ZNF836: variants seen among roughly 807,000 people sequenced by gnomAD.
The protein encoded by ZNF836 is zinc finger protein 836.
In ZNF836, 12 loss-of-function variants were observed where a neutral mutation model predicts 7.4. The observed-to-expected ratio is 1.61, with a 90% CI of 1.03 to 2.61. The LOEUF is 2.61. Ranked by LOEUF, ZNF836 falls within the 30% of genes most tolerant of loss-of-function variation. The pLI is 0.00. For synonymous variants in ZNF836, 365 were observed against 382.6 expected, an observed-to-expected ratio of 0.95 and a Z score of 0.54; for missense variants, 998 against 1,126.2, an observed-to-expected ratio of 0.89 and a Z score of 1.63.
At chr19:52,157,811 C>T (rs368983918) in intron 4 of ZNF836, among the ~76,000 whole-genome samples, 8 of 152,090 alleles carry the variant, frequency 5.3e-5, no homozygotes, top group East Asian at 3.8e-4. Flanking sequence ...CCTCGTGATC[C>T]GCCCACCTCG....
rs1284651712 is a variant in ZNF836 at position 52,157,325 on chromosome 19, G to C, written c.358C>G (p.Leu120Val). ...KEVPMTYKNN[L>V]NGKRGQHSQE... Reference sequence around the variant, plus strand: ...CTATGTTGACCTCTTTTACCATTAAGATTGTTTTTATAGGTCATTGGCACT... The same window carrying C: ...CTATGTTGACCTCTTTTACCATTAACATTGTTTTTATAGGTCATTGGCACT... The change falls in exon 5 of 5, where the codon CTT (leucine) becomes GTT (valine). Residue 120 changes from leucine (L) to valine (V), a missense_variant. Physicochemically the swap from Leu to Val is conservative, Grantham distance 32 (BLOSUM62 1). Transcript: ENST00000682614. The C allele has an allele frequency of 6.2e-7, 1 of 1,605,126 alleles. No individual in the cohort carries two copies.
chr19:52,168,645 A>T (rs919268), intron 2 of ZNF836, among the ~76,000 whole-genome samples: 82,854 of 151,960 alleles, frequency 0.55, 23,888 homozygotes, highest in Non-Finnish European at 0.64. Context: ...GTCTGTATAC[A>T]TATCTTTATG....
Position 52,155,317 on chromosome 19 carries a change from T to C in ZNF836, c.2366A>G (p.His789Arg), listed in dbSNP as rs2089142535. 3 of 1,613,992 alleles carry C rather than the reference T, an allele frequency of 1.9e-6. No individual in the cohort carries two copies. The highest frequency in any genetic ancestry group is 2.5e-6 in the Non-Finnish European group (3 of 1,180,028). Residue 789 changes from histidine (H) to arginine (R), a missense_variant, in exon 5 of 5, where the codon CAT becomes CGT. His to Arg is a conservative substitution (Grantham distance 29). Coordinates refer to ENST00000682614, the MANE Select transcript of ZNF836 (RefSeq NM_001102657.3). The stretch of plus-strand genomic sequence containing the variant: ...CCGATGACGTGCTAGTGTTGATTGA[T>C]GACGAAAGACCTTGCCACATTCATT... ...KCNECGKVFR[H>R]QSTLARHRSI...
chr19:52,164,347 C>T (rs1312849603), intron 3 of ZNF836, among the ~76,000 whole-genome samples: 1 of 145,202 alleles, frequency 6.9e-6, no homozygotes, highest in East Asian at 2.1e-4. Context: ...GAGCTGAGAT[C>T]GCACCATCGC....
At chr19:52,159,558 C>T (rs2089195322) in intron 4 of ZNF836, among the ~76,000 whole-genome samples, 1 of 152,142 alleles carries the variant, frequency 6.6e-6, no homozygotes. Context: ...TTCAGTCACC[C>T]TTCATGAATA....
At chr19:52,160,250 A>C in intron 4 of ZNF836, 2 of 607,334 alleles carry the variant, frequency 3.3e-6, no homozygotes, top group Non-Finnish European at 2.9e-6. Flanking sequence ...AATTCTACTA[A>C]GGGCACAGGA....
rs745895327 is a variant in ZNF836 at position 52,160,527 on chromosome 19, G to A, written c.80C>T (p.Pro27Leu). 10 of 1,614,012 alleles carry A rather than the reference G, an allele frequency of 6.2e-6. No individual in the cohort carries two copies. The highest frequency in any genetic ancestry group is 1.6e-4 in the Middle Eastern group (1 of 6,084). The stretch of plus-strand genomic sequence containing the variant: ...ATCCCAGTACAAAGCTTTCTGCACA[G>A]GGTCCAGGGATTTCCACTCCTCCTG... ...FSQEEWKSLD[P>L]VQKALYWDVM... is the part of the protein sequence containing the mutation. The change falls in exon 4 of 5, where the codon CCT becomes CTT. Residue 27 changes from proline to leucine, a missense_variant. Physicochemically the swap from Pro to Leu is moderately conservative, Grantham distance 98. Transcript: ENST00000682614.
In ZNF836 at chr19:52,155,877, T is replaced by C. The variant is rs771698915; in HGVS notation, c.1806A>G (p.Arg602=). 11 of 1,613,908 alleles carry C rather than the reference T, an allele frequency of 6.8e-6. No homozygotes were observed. The highest frequency in any genetic ancestry group is 9.3e-6 in the Non-Finnish European group (11 of 1,179,916). ...TGTAAGGTTTCTGCCCAGTATGAAT[T>C]CTTAGATGACGTGCTAGGCATGAGT... ...RNYSCLARHL[R]IHTGQKPYKC... is the part of the protein sequence containing the mutation. The change falls in exon 5 of 5, where the codon AGA becomes AGG. Residue 602 remains arginine (R), a synonymous_variant. Coordinates refer to ENST00000682614, the MANE Select transcript of ZNF836 (RefSeq NM_001102657.3).
intron 3 of ZNF836, among the ~76,000 whole-genome samples, chr19:52,164,493 AAAAGAGAGAAAGAAAG>A (rs1234764296): frequency 2.6e-5 from 2 of 75,552 alleles, no homozygotes; most frequent in East Asian, 2.4e-4. Context: ...AAGAGAAAGA[AAAAGAGAGAAAGAAAG>A]AAAGACTAGA....
chr19:52,155,439 C>T lies in ZNF836; in HGVS notation c.2244G>A (p.Met748Ile). Residue 748 changes from methionine (M) to isoleucine (I), a missense_variant, in exon 5 of 5, where the codon ATG becomes ATA. Coordinates refer to ENST00000682614, the MANE Select transcript of ZNF836 (RefSeq NM_001102657.3). ...TYHQRRHTGE[M>I]PYKCIECGQV... is the part of the protein sequence containing the mutation. Reference sequence around the variant, plus strand: ...GGCCACATTCAATACATTTGTATGGCATCTCTCCAGTATGCCTTCTCTGAT... The same window carrying T: ...GGCCACATTCAATACATTTGTATGGTATCTCTCCAGTATGCCTTCTCTGAT... 6.2e-7 allele frequency: 1 copy of T among 1,614,090 alleles called. No individual in the cohort carries two copies. The highest frequency in any genetic ancestry group is 8.5e-7 in the Non-Finnish European group (1 of 1,179,996).
In ZNF836 at chr19:52,155,721, T is replaced by C; in HGVS notation, c.1962A>G (p.Ala654=). 1 of 1,614,162 alleles carries C rather than the reference T, an allele frequency of 6.2e-7. No individual in the cohort carries two copies. The highest frequency in any genetic ancestry group is 8.5e-7 in the Non-Finnish European group (1 of 1,179,992). ...CTCCGGTATGAATTTTCCGATGACG[T>C]GCTAGGCATGAGTAGTAACTGAAAA... ...GKVFSYYSCL[A]RHRKIHTGEK... is the part of the protein sequence containing the mutation. The change falls in exon 5 of 5, where the codon GCA becomes GCG. Residue 654 remains alanine (A), a synonymous_variant. Transcript: ENST00000682614.
chr19:52,163,312 G>C (rs531089882), intron 3 of ZNF836, among the ~76,000 whole-genome samples: 12 of 152,148 alleles, frequency 7.9e-5, no homozygotes, highest in Non-Finnish European at 1.6e-4. Context: ...ACATGGCCAG[G>C]CTGAGAATTT....
Position 52,155,377 on chromosome 19 carries a change from C to T in ZNF836, c.2306G>A (p.Arg769Gln), listed in dbSNP as rs1366073828. 9.3e-6 allele frequency: 15 copies of T among 1,613,200 alleles called. No homozygotes were observed. The highest frequency in any genetic ancestry group is 1.2e-5 in the Non-Finnish European group (14 of 1,179,772). ...AGGTTTCTCTCCAGTGTGAATTCTC[C>T]GATGCCTTGCAAGGTTCGAAGTGGA... ...FNSTSNLARHRRIHTGEKPYK... is the reference protein window; with the variant it reads ...FNSTSNLARHQRIHTGEKPYK... The change falls in exon 5 of 5, where the codon CGG (arginine) becomes CAG (glutamine). Residue 769 changes from arginine to glutamine, a missense_variant. Transcript: ENST00000682614.
At chr19:52,160,648 A>G in intron 3 of ZNF836, 57 bp from the exon 4 acceptor site, 1 of 1,534,580 alleles carries the variant, frequency 6.5e-7, no homozygotes, top group Non-Finnish European at 8.7e-7. Flanking sequence ...TCTATACATA[A>G]AATGAGAAGA....
intron 3 of ZNF836, among the ~76,000 whole-genome samples, chr19:52,166,495 A>C (rs1049563331): frequency 1.3e-5 from 2 of 151,930 alleles, no homozygotes; most frequent in Admixed American, 1.3e-4. Context: ...TTTTGACAGG[A>C]ACAGCTAAAA....
At chr19:52,160,336 C>T (rs1443257542) in intron 4 of ZNF836, 129 bp downstream of exon 4, 1 of 1,172,670 alleles carries the variant, frequency 8.5e-7, no homozygotes, top group Admixed American at 2.1e-5. Flanking sequence ...CATTATGAAG[C>T]TTTTTATTTG....
chr19:52,169,867 T>C (rs2089295197), intron 1 of ZNF836, 86 bp from the exon 2 acceptor site: 1 of 151,848 alleles, frequency 6.6e-6, no homozygotes, highest in South Asian at 2.1e-4. Context: ...TCAGTTACTC[T>C]ATCCTCTACC....
In ZNF836 at chr19:52,156,633, T is replaced by C. The variant is rs1164754952; in HGVS notation, c.1050A>G (p.Ile350Met). Residue 350 changes from isoleucine to methionine, a missense_variant, in exon 5 of 5, where the codon ATA becomes ATG. Coordinates refer to ENST00000682614, the MANE Select transcript of ZNF836 (RefSeq NM_001102657.3). ...KQGSCLTTHQ[I>M]IHTGEKPYQC... ...GATATGGTTTCTCTCCTGTATGGAT[T>C]ATCTGATGTGTAGTGAGGCATGAGC... 1 of 1,613,522 alleles carries C rather than the reference T, an allele frequency of 6.2e-7. No homozygotes were observed. Among genetic ancestry groups the C allele is most frequent in the Non-Finnish European group, 8.5e-7 (1 of 1,179,564 alleles).
chr19:52,159,453 C>T (rs577698648), intron 4 of ZNF836, among the ~76,000 whole-genome samples: 1 of 152,286 alleles, frequency 6.6e-6, no homozygotes, highest in South Asian at 2.1e-4. Flanking sequence ...TTAAATAAAA[C>T]TGGCCAAACA....
Sources: allele counts gnomAD v4.1 joint callset (sites outside exome capture counted in the v4.1 genomes callset), GRCh38; gene constraint gnomAD v4.1.1; transcripts MANE v1.5; gene names NCBI Gene and HGNC (gene_info 2026-07-23, HGNC 2026-07-21).